Variants in GRM7 observed in about 807,000 individuals in gnomAD.
GRM7 encodes metabotropic glutamate receptor 7.
Under a neutral mutation model 84.5 loss-of-function variants are expected in GRM7, and 35 were observed. That is an observed-to-expected ratio of 0.41 (90% CI 0.32 to 0.55). The LOEUF (loss-of-function observed/expected upper bound fraction) is 0.55, where lower values mean the gene tolerates loss of function less well. Among genes scored for constraint, GRM7 ranks in the 20% least tolerant of loss-of-function variants. The probability of loss-of-function intolerance (pLI) is 0.19; values close to 1 mark genes in which losing one functional copy is unlikely to be tolerated. For synonymous variants in GRM7, 487 were observed against 455.1 expected, an observed-to-expected ratio of 1.07 and a Z score of -0.89; for missense variants, 1,003 against 1,194.6, an observed-to-expected ratio of 0.84 and a Z score of 2.36.
intron 2 of GRM7, among the ~76,000 whole-genome samples, chr3:7,221,186 A>C (rs1696790051): frequency 1.3e-5 from 2 of 152,314 alleles, no homozygotes; most frequent in Non-Finnish European, 2.9e-5. Context: ...CATTGAGGTT[A>C]TGTGCATCTT....
At chr3:7,605,516 G>C (rs894599629) in intron 8 of GRM7, among the ~76,000 whole-genome samples, 19 of 152,054 alleles carry the variant, frequency 1.2e-4, no homozygotes, top group African/African-American at 4.6e-4. Context: ...AAAAAATCTT[G>C]ATACATAGCA....
intron 2 of GRM7, among the ~76,000 whole-genome samples, chr3:7,210,127 C>A (rs1696372849): frequency 6.6e-6 from 1 of 152,162 alleles, no homozygotes; most frequent in South Asian, 2.1e-4. Flanking sequence ...TCTCTTTGTG[C>A]TCAACTATTG....
Position 7,723,178 on chromosome 3 carries a change from T to G in GRM7, c.2699-17179T>G, listed in dbSNP as rs182836477. 1.9e-4 allele frequency among the ~76,000 whole-genome samples: 29 copies of G among 152,236 alleles called. No homozygotes were observed. The East Asian group carries it at 4.1e-3, about 21-fold the overall frequency. ...TTAGCTTATCACAAAATACAGCAAT[T>G]CTCCAACATAATCATAATACCATTA... On this transcript the variant is annotated intron_variant, in intron 9 of 9. Coordinates refer to ENST00000357716, the MANE Select transcript of GRM7 (RefSeq NM_000844.4).
At chr3:6,935,712 T>TTATTATTAC (rs547755528) in intron 1 of GRM7, among the ~76,000 whole-genome samples, 2,028 of 144,202 alleles carry the variant, frequency 0.014, 22 homozygotes, top group Middle Eastern at 0.059. Context: ...ATTATTATTA[T>TTATTATTAC]TGAGACAGAG....
intron 2 of GRM7, among the ~76,000 whole-genome samples, chr3:7,217,148 A>G (rs1696641749): frequency 6.6e-6 from 1 of 152,208 alleles, no homozygotes; most frequent in Non-Finnish European, 1.5e-5. Context: ...CTAATTTGAA[A>G]GAGGAGTGAG....
chr3:7,356,356 T>G (rs1426683156), intron 4 of GRM7, among the ~76,000 whole-genome samples: 1 of 151,728 alleles, frequency 6.6e-6, no homozygotes, highest in East Asian at 1.9e-4. Context: ...GGCTGGTGTA[T>G]AGTGGTGTGA....
At chr3:7,626,414 T>C (rs1439036737) in intron 8 of GRM7, among the ~76,000 whole-genome samples, 1 of 152,220 alleles carries the variant, frequency 6.6e-6, no homozygotes, top group Non-Finnish European at 1.5e-5. Context: ...ACTGTATTCA[T>C]TTGCTAGGGC....
At chr3:7,712,943 C>T (rs1020908026) in intron 9 of GRM7, among the ~76,000 whole-genome samples, 3 of 151,916 alleles carry the variant, frequency 2.0e-5, no homozygotes, top group Admixed American at 6.6e-5. Flanking sequence ...ATTCATGTGG[C>T]CTTCCCCCTC....
At chr3:7,305,836 C>T (rs1700175776) in intron 3 of GRM7, among the ~76,000 whole-genome samples, 1 of 152,108 alleles carries the variant, frequency 6.6e-6, no homozygotes, top group Admixed American at 6.6e-5. Context: ...TCAGTTGTAG[C>T]TTTTTCTGAT....
chr3:7,468,500 C>CT (rs1698553651), intron 7 of GRM7, among the ~76,000 whole-genome samples: 1 of 152,110 alleles, frequency 6.6e-6, no homozygotes, highest in Admixed American at 6.5e-5. Context: ...ATATAACATG[C>CT]TAAAAACAGT....
chr3:6,981,699 C>A (rs1481844636), intron 1 of GRM7, among the ~76,000 whole-genome samples: 1 of 151,954 alleles, frequency 6.6e-6, no homozygotes, highest in Admixed American at 6.5e-5. Context: ...ACTATTTGCT[C>A]AACATTATTA....
intron 9 of GRM7, chr3:7,691,244 T>C (rs1420886371): frequency 5.4e-6 from 7 of 1,286,822 alleles, no homozygotes; most frequent in South Asian, 2.5e-5. Flanking sequence ...ACAAAGAGGA[T>C]TGAGATAACA....
intron 7 of GRM7, among the ~76,000 whole-genome samples, chr3:7,572,025 C>T (rs1368940561): frequency 6.6e-6 from 1 of 152,218 alleles, no homozygotes; most frequent in African/African-American, 2.4e-5. Flanking sequence ...GGAAAGCCCA[C>T]CCCCCATAAT....
intron 2 of GRM7, among the ~76,000 whole-genome samples, chr3:7,271,468 A>G (rs1575106333): frequency 6.7e-6 from 1 of 149,612 alleles, no homozygotes; most frequent in African/African-American, 2.5e-5. Flanking sequence ...CTGAGGCAGG[A>G]GAATGGCGTG....
chr3:7,667,585 GA>G (rs1699754589), intron 8 of GRM7, among the ~76,000 whole-genome samples: 1 of 151,866 alleles, frequency 6.6e-6, no homozygotes, highest in Admixed American at 6.6e-5. Context: ...TTTCATTTCA[GA>G]AGTCAGATGA....
At chr3:7,495,550 G>T (rs1699670484) in intron 7 of GRM7, among the ~76,000 whole-genome samples, 1 of 152,050 alleles carries the variant, frequency 6.6e-6, no homozygotes, top group Admixed American at 6.6e-5. Context: ...TCTCTTACTG[G>T]TTTGGCCTTC....
chr3:7,241,881 T>C (rs1377846374), intron 2 of GRM7, among the ~76,000 whole-genome samples: 1 of 152,124 alleles, frequency 6.6e-6, no homozygotes, highest in African/African-American at 2.4e-5. Flanking sequence ...CCCAGTTCTG[T>C]TATCATGCCC....
intron 9 of GRM7, among the ~76,000 whole-genome samples, chr3:7,732,798 G>T (rs757417649): frequency 2.0e-5 from 3 of 152,200 alleles, no homozygotes; most frequent in Non-Finnish European, 2.9e-5. Context: ...TCTTGCAGAA[G>T]AAAGAATTCA....
chr3:7,197,007 G>T (rs1695901041), intron 2 of GRM7, among the ~76,000 whole-genome samples: 1 of 152,144 alleles, frequency 6.6e-6, no homozygotes, highest in African/African-American at 2.4e-5. Flanking sequence ...ACCAAAGGTA[G>T]ACTTTTCTTG....
Sources: gnomAD v4.1 joint callset for allele counts (sites outside exome capture counted in the v4.1 genomes callset) on GRCh38, gnomAD v4.1.1 for gene constraint, MANE v1.5 for transcripts, NCBI Gene and HGNC (gene_info 2026-07-23, HGNC 2026-07-21) for gene names.